Variants in CHRNA9 observed in about 807,000 individuals in gnomAD.
CHRNA9 encodes cholinergic receptor nicotinic alpha 9 subunit, also known as neuronal acetylcholine receptor subunit alpha-9.
Under a neutral mutation model 36.8 loss-of-function variants are expected in CHRNA9, and 24 were observed. The ratio of observed to expected loss-of-function variants is 0.65; its 90% CI spans 0.47 to 0.92. The LOEUF (loss-of-function observed/expected upper bound fraction) is 0.92, where lower values mean the gene tolerates loss of function less well. Ranked by LOEUF, CHRNA9 falls within the 40% of genes least tolerant of loss-of-function variation. CHRNA9 has a pLI of 0.00. For synonymous variants in CHRNA9, 231 were observed against 231.8 expected (o/e 1.00, Z 0.03); for missense variants, 610 against 601.2 (o/e 1.01, Z -0.15).
chr4:40,344,649 C>T (rs951166739), intron 3 of CHRNA9, among the ~76,000 whole-genome samples: 1 of 152,010 alleles, frequency 6.6e-6, no homozygotes, highest in African/African-American at 2.4e-5. Flanking sequence ...TATTATAATG[C>T]CCATTTTTAC....
intron 3 of CHRNA9, among the ~76,000 whole-genome samples, chr4:40,345,781 C>G (rs1577547320): frequency 6.6e-6 from 1 of 151,946 alleles, no homozygotes; most frequent in Non-Finnish European, 1.5e-5. Flanking sequence ...TCCCAGCACT[C>G]TGGGAGGCTG....
In CHRNA9 at chr4:40,349,167, T is replaced by A; in HGVS notation, c.651T>A (p.Tyr217Ter). ...CCGCTGTGAAGAATGTGATCTCCTA[T>A]GGCTGCTGCTCTGAGCCTTACCCGG... ...GMPAVKNVIS[Y>*]GCCSEPYPDV... Residue 217 changes from tyrosine to a stop codon, truncating the protein, a stop_gained, in exon 4 of 5, where the codon TAT becomes TAA. Coordinates refer to ENST00000310169, the MANE Select transcript of CHRNA9 (RefSeq NM_017581.4). LOFTEE classifies it high-confidence loss of function. The A allele has an allele frequency of 6.2e-7, 1 of 1,614,224 alleles. No homozygotes were observed. The highest frequency in any genetic ancestry group is 8.5e-7 in the Non-Finnish European group (1 of 1,180,028).
chr4:40,354,800 C>A lies in CHRNA9; in HGVS notation c.*280C>A. 1 of 297,922 alleles carries A rather than the reference C, an allele frequency of 3.4e-6. No homozygotes were observed. 18.5% of individuals were successfully genotyped at this position (297,922 alleles called of 1,614,324 possible). ...GCCTCTAGTTTATATAATTATTTAC[C>A]TCTTTGGCAGTACAGATAACAAAAT... On this transcript the variant is annotated 3_prime_UTR_variant, in exon 5 of 5. Coordinates refer to ENST00000310169, the MANE Select transcript of CHRNA9 (RefSeq NM_017581.4).
intron 3 of CHRNA9, among the ~76,000 whole-genome samples, chr4:40,345,726 CAAACA>C (rs1712620115): frequency 6.7e-6 from 1 of 149,950 alleles, no homozygotes; most frequent in African/African-American, 2.5e-5. Flanking sequence ...AACAAACAAA[CAAACA>C]AACAAACAAA....
rs763419717 is a variant in CHRNA9 at position 40,354,026 on chromosome 4, T to A, written c.946T>A (p.Leu316Met). 2 of 1,614,064 alleles carry A rather than the reference T, an allele frequency of 1.2e-6. No individual in the cohort carries two copies. Among genetic ancestry groups the A allele is most frequent in the Middle Eastern group, 1.7e-4 (1 of 6,060 alleles). ...GGCCCTGATCACAGCCTCCACTGCGTTGACCATCATGGTGATGAATATCCA... is the reference window on the plus strand; with the variant it reads ...GGCCCTGATCACAGCCTCCACTGCGATGACCATCATGGTGATGAATATCCA... The part of the protein sequence containing the change: ...TMALITASTA[L>M]TIMVMNIHFC... Residue 316 changes from leucine (L) to methionine (M), a missense_variant, in exon 5 of 5, where the codon TTG becomes ATG. Transcript: ENST00000310169.
chr4:40,340,698 A>G (rs1015744565), intron 3 of CHRNA9, among the ~76,000 whole-genome samples: 3 of 152,192 alleles, frequency 2.0e-5, no homozygotes. Flanking sequence ...ACACTCAGGC[A>G]GGAAGATGCT....
Position 40,335,679 on chromosome 4 carries a change from A to G in CHRNA9, c.64+148A>G, listed in dbSNP as rs1237928542. ...CTACTGACTCTGATCTTGGTAGGGC[A>G]TGCCAGAAAAACAACTCATCCATCC... On this transcript the variant is annotated intron_variant, in intron 1 of 4. Coordinates refer to ENST00000310169, the MANE Select transcript of CHRNA9 (RefSeq NM_017581.4). 9.1e-6 allele frequency: 9 copies of G among 993,198 alleles called. No individual in the cohort carries two copies. In the East Asian group the frequency reaches 1.4e-4, roughly 16 times the overall value. The allele number at this position is 993,198 out of a possible 1,614,324, so 61.5% of individuals were successfully genotyped here.
At chr4:40,344,608 AGTTT>A (rs1712586588) in intron 3 of CHRNA9, among the ~76,000 whole-genome samples, 1 of 152,106 alleles carries the variant, frequency 6.6e-6, no homozygotes, top group South Asian at 2.1e-4. Context: ...TAATATATAT[AGTTT>A]GTTTAATATA....
Position 40,348,940 on chromosome 4 carries a change from C to T in CHRNA9, c.424C>T (p.Leu142=), listed in dbSNP as rs200275782. ...NTNVVLRYDG[L]ITWDAPAITK... ...CAATGTGGTCCTGCGGTATGATGGG[C>T]TGATCACCTGGGATGCACCGGCCAT... Residue 142 remains leucine, a synonymous_variant, in exon 4 of 5, where the codon CTG becomes TTG. Transcript: ENST00000310169. The T allele has an allele frequency of 2.5e-6, 4 of 1,614,156 alleles. No homozygotes were observed. The African/African-American group carries it at 5.3e-5, about 22-fold the overall frequency.
intron 3 of CHRNA9, among the ~76,000 whole-genome samples, chr4:40,342,018 G>A (rs1165734788): frequency 6.6e-6 from 1 of 152,140 alleles, no homozygotes; most frequent in African/African-American, 2.4e-5. Flanking sequence ...TAAAGTGCTG[G>A]GATTACAGGC....
At chr4:40,338,891 T>TCTCACA (rs1491538021) in intron 3 of CHRNA9, among the ~76,000 whole-genome samples, 8 of 117,466 alleles carry the variant, frequency 6.8e-5, no homozygotes, top group African/African-American at 2.2e-4. Flanking sequence ...CCTCTCTCTC[T>TCTCACA]CACACACACA....
At position 40,335,871 on chromosome 4, in the gene CHRNA9, GA is replaced by G; in HGVS notation, c.110del (p.Asp37AlafsTer20). ...AAAATATGCTCAGAAGTTGTTTAAT[GA>G]CCTTTTTGAAGATTATTCTAATGCT... Reference protein sequence around the residue: ...DGKYAQKLFNDLFEDYSNALR... With the variant: ...DGKYAQKLFNXLFEDYSNALR... On this transcript the variant is annotated frameshift_variant, in exon 2 of 5. Coordinates refer to ENST00000310169, the MANE Select transcript of CHRNA9 (RefSeq NM_017581.4). LOFTEE classifies it high-confidence loss of function. The G allele has an allele frequency of 6.2e-7, 1 of 1,612,926 alleles. No homozygotes were observed. The highest frequency in any genetic ancestry group is 8.5e-7 in the Non-Finnish European group (1 of 1,178,900).
intron 2 of CHRNA9, among the ~76,000 whole-genome samples, chr4:40,336,522 G>T (rs1273422325): frequency 2.0e-5 from 3 of 152,036 alleles, no homozygotes; most frequent in African/African-American, 7.3e-5. Flanking sequence ...TGTCACCCAG[G>T]CTGGAGTGCA....
At position 40,349,310 on chromosome 4, in the gene CHRNA9, C is replaced by T; in HGVS notation, c.794C>T (p.Ser265Phe). Residue 265 changes from serine (S) to phenylalanine (F), a missense_variant, in exon 4 of 5, where the codon TCC becomes TTC. Coordinates refer to ENST00000310169, the MANE Select transcript of CHRNA9 (RefSeq NM_017581.4). ...APLSFYLPAA[S>F]GEKVSLGVTI... The stretch of plus-strand genomic sequence containing the variant: ...CTGAGTTTTTATCTCCCAGCAGCCT[C>T]CGGAGAAAAGGTCTCCCTGGGAGTG... The T allele has an allele frequency of 6.2e-7, 1 of 1,614,148 alleles. No homozygotes were observed. The highest frequency in any genetic ancestry group is 8.5e-7 in the Non-Finnish European group (1 of 1,180,020).
Position 40,335,549 on chromosome 4 carries a change from C to G in CHRNA9, c.64+18C>G. Reference sequence around the variant, plus strand: ...ACTGAGAGGTGAGAGGCTGGTGACACGTAACCTATCTTGTCTCATCTGGGG... The same window carrying G: ...ACTGAGAGGTGAGAGGCTGGTGACAGGTAACCTATCTTGTCTCATCTGGGG... On this transcript the variant is annotated intron_variant, in intron 1 of 4. Coordinates refer to ENST00000310169, the MANE Select transcript of CHRNA9 (RefSeq NM_017581.4). The G allele has an allele frequency of 6.3e-7, 1 of 1,592,100 alleles. No individual in the cohort carries two copies. Among genetic ancestry groups the G allele is most frequent in the Non-Finnish European group, 8.6e-7 (1 of 1,159,936 alleles).
chr4:40,338,760 G>T (rs1431786031), intron 3 of CHRNA9, among the ~76,000 whole-genome samples: 2 of 151,982 alleles, frequency 1.3e-5, no homozygotes, highest in African/African-American at 4.8e-5. Context: ...TCCTTCCCAA[G>T]GAATATAACA....
intron 1 of CHRNA9, 63 bp downstream of exon 1, chr4:40,335,594 TG>T: frequency 7.5e-7 from 1 of 1,329,040 alleles, no homozygotes; most frequent in Non-Finnish European, 1.1e-6. Context: ...TGGTGGGAGG[TG>T]GGGCAGGACA....
chr4:40,337,171 T>G (rs530279257), intron 2 of CHRNA9, 39 bp from the exon 3 acceptor site: 3 of 1,598,548 alleles, frequency 1.9e-6, no homozygotes, highest in Admixed American at 1.7e-5. Flanking sequence ...ACATTTCAAG[T>G]GTCTGCTAGG....
intron 2 of CHRNA9, among the ~76,000 whole-genome samples, chr4:40,336,689 T>C (rs371599297): frequency 7.2e-5 from 11 of 152,074 alleles, no homozygotes; most frequent in Middle Eastern, 3.4e-3. Context: ...ACCGTGTTAG[T>C]CAGGATGGTC....
Sources: gnomAD v4.1 joint callset for allele counts (sites outside exome capture counted in the v4.1 genomes callset) on GRCh38, gnomAD v4.1.1 for gene constraint, MANE v1.5 for transcripts, NCBI Gene and HGNC (gene_info 2026-07-23, HGNC 2026-07-21) for gene names.